ALDH4A1: variants seen among roughly 807,000 people sequenced by gnomAD.
ALDH4A1 encodes the protein aldehyde dehydrogenase 4 family member A1.
A neutral mutation model predicts 70.5 loss-of-function variants in ALDH4A1; 46 were observed. The observed-to-expected ratio is 0.65, with a 90% CI of 0.51 to 0.83. The LOEUF is 0.83. Ranked by LOEUF, ALDH4A1 falls within the 40% of genes least tolerant of loss-of-function variation. The pLI, the probability that ALDH4A1 is intolerant of heterozygous loss-of-function variation, is 0.00. For synonymous variants in ALDH4A1, 323 were observed against 324.3 expected (o/e 1.00, Z 0.04); for missense variants, 749 against 766.5 (o/e 0.98, Z 0.27).
In ALDH4A1 at chr1:18,880,127, G is replaced by A. The variant is rs7537155; in HGVS notation, c.867-754C>T. Among the ~76,000 whole-genome samples, 53,541 of 151,928 alleles carry A rather than the reference G, an allele frequency of 0.35. 11,980 individuals are homozygous for A. Among genetic ancestry groups the A allele is most frequent in the African/African-American group, 0.62 (25,716 of 41,412 alleles). On this transcript the variant is annotated intron_variant, in intron 8 of 14. Coordinates refer to ENST00000375341, the MANE Select transcript of ALDH4A1 (RefSeq NM_003748.4). This position sits in a 1 kb window ranked among gnomAD's most constrained non-coding sequence, Gnocchi z 5.1. ...TGGCAGAGCAGGCCTTTTGGAAAACGGCCCTTCTCAGCAGTTCTAACGCTG... is the reference window on the plus strand; with the variant it reads ...TGGCAGAGCAGGCCTTTTGGAAAACAGCCCTTCTCAGCAGTTCTAACGCTG...
chr1:18,891,301 G>A (rs770190597), intron 1 of ALDH4A1, among the ~76,000 whole-genome samples: 25 of 152,206 alleles, frequency 1.6e-4, no homozygotes, highest in African/African-American at 2.4e-4. Context: ...GGCATAGGAC[G>A]GGCCTCACCA....
intron 9 of ALDH4A1, among the ~76,000 whole-genome samples, chr1:18,879,059 C>T (rs1398962862): frequency 1.3e-5 from 2 of 152,252 alleles, no homozygotes; most frequent in African/African-American, 2.4e-5. Context: ...TGCAGTTCCT[C>T]AGTCGCACAG....
rs1244934261 is a variant in ALDH4A1 at position 18,898,750 on chromosome 1, G to T, written c.62+3712C>A. 6.6e-6 allele frequency among the ~76,000 whole-genome samples: 1 copy of T among 152,222 alleles called. No individual in the cohort carries two copies. Among genetic ancestry groups the T allele is most frequent in the African/African-American group, 2.4e-5 (1 of 41,458 alleles). On this transcript the variant is annotated intron_variant, in intron 1 of 14. Transcript: ENST00000375341. The surrounding 1 kb of genome is among the most constrained non-coding windows in gnomAD (Gnocchi z 4.3). Reference sequence around the variant, plus strand: ...GGAGCCAGGATCCAAGCCATGCTGTGTTCTGGACCATCTCAACAGCAACCG... The same window carrying T: ...GGAGCCAGGATCCAAGCCATGCTGTTTTCTGGACCATCTCAACAGCAACCG...
chr1:18,885,421 C>A lies in ALDH4A1; in HGVS notation c.453+52G>T, dbSNP rs571683170. On this transcript the variant is annotated intron_variant, in intron 5 of 14. Transcript: ENST00000375341. ...TGTCTGCTGCCATGGGTAGGGCACA[C>A]CTGACTCCCACCCCACCCCGCCCCA... The A allele has an allele frequency of 4.9e-5, 59 of 1,209,402 alleles. No individual in the cohort carries two copies. The African/African-American group carries it at 8.3e-4, about 17-fold the overall frequency. 74.9% of individuals were successfully genotyped at this position (1,209,402 alleles called of 1,614,324 possible). A position where few individuals can be genotyped will look rare whatever the true frequency, so the allele number is the denominator to read the frequency against.
intron 1 of ALDH4A1, among the ~76,000 whole-genome samples, chr1:18,892,483 C>G (rs1019370442): frequency 6.6e-6 from 1 of 151,112 alleles, no homozygotes; most frequent in African/African-American, 2.4e-5. Context: ...GAAGGCCTCT[C>G]TGAGGAGGTG....
In ALDH4A1 at chr1:18,902,477, G is replaced by A. The variant is rs146450609; in HGVS notation, c.47C>T (p.Pro16Leu). The A allele has an allele frequency of 0.028, 41,081 of 1,449,494 alleles. 689 individuals carry two copies. Among genetic ancestry groups the A allele is most frequent in the Middle Eastern group, 0.06 (326 of 5,404 alleles). The allele number at this position is 1,449,494 out of a possible 1,614,324, so 89.8% of individuals were successfully genotyped here. ...GCTCACTCACCCGGCCCCGGTCCAG[G>A]GGCGGGACAGCAGGGCGCGGCGGAG... Reference protein sequence around the residue: ...PALRRALLSRPWTGAGLRWKH... With the variant: ...PALRRALLSRLWTGAGLRWKH... Residue 16 changes from proline to leucine, a missense_variant, in exon 1 of 15, where the codon CCC becomes CTC. By Grantham distance (98) the Pro-to-Leu change is moderately conservative (BLOSUM62 -3). Coordinates refer to ENST00000375341, the MANE Select transcript of ALDH4A1 (RefSeq NM_003748.4).
intron 5 of ALDH4A1, 46 bp downstream of exon 5, chr1:18,885,427 T>TGCCACCCCCCCCCCCCCCCCCC: frequency 6.1e-6 from 4 of 650,920 alleles, no homozygotes; most frequent in Admixed American, 2.3e-5. Context: ...CACACCTGAC[T>TGCCACCCCCCCCCCCCCCCCCC]CCCACCCCAC....
Position 18,872,733 on chromosome 1 carries a change from A to T in ALDH4A1, c.*112T>A. ...GTAAGAAGGGAGTCAAGCCCGGATTATAGAAAGGCAGCTGTGCATGAAGAA... is the reference window on the plus strand; with the variant it reads ...GTAAGAAGGGAGTCAAGCCCGGATTTTAGAAAGGCAGCTGTGCATGAAGAA... On this transcript the variant is annotated 3_prime_UTR_variant, in exon 15 of 15. Transcript: ENST00000375341. 1.3e-6 allele frequency: 1 copy of T among 791,008 alleles called. No homozygotes were observed. The highest frequency in any genetic ancestry group is 2.1e-6 in the Non-Finnish European group (1 of 470,888). The allele number at this position is 791,008 out of a possible 1,614,324, so 49.0% of individuals were successfully genotyped here. A position where few individuals can be genotyped will look rare whatever the true frequency, so the allele number is the denominator to read the frequency against.
chr1:18,892,191 A>G lies in ALDH4A1; in HGVS notation c.63-2086T>C, dbSNP rs376767675. ...GGGGGCCAGAAGGAGTCTGGGGCTC[A>G]AAGACCCAGCCTGGGAAGCCTGAAG... On this transcript the variant is annotated intron_variant, in intron 1 of 14. Transcript: ENST00000375341. 9.2e-5 allele frequency among the ~76,000 whole-genome samples: 14 copies of G among 152,276 alleles called. No individual in the cohort carries two copies. In the East Asian group the frequency reaches 1.4e-3, roughly 15 times the overall value.
intron 1 of ALDH4A1, among the ~76,000 whole-genome samples, chr1:18,897,766 T>A (rs1935673239): frequency 6.6e-6 from 1 of 152,128 alleles, no homozygotes; most frequent in African/African-American, 2.4e-5. Context: ...AGGCCCATGG[T>A]CAGGTGGGGC....
Position 18,890,005 on chromosome 1 carries a change from C to G in ALDH4A1, c.156+7G>C. ...CACCTCTCGGGTGCCTCCCACCCTC[C>G]CATTACCTTTTGCAGGGCATCTCGC... On this transcript the variant is annotated splice_region_variant and intron_variant, in intron 2 of 14. Transcript: ENST00000375341. The G allele has an allele frequency of 6.2e-7, 1 of 1,602,078 alleles. No individual in the cohort carries two copies.
At chr1:18,901,297 C>A (rs9426795) in intron 1 of ALDH4A1, among the ~76,000 whole-genome samples, 5,564 of 152,296 alleles carry the variant, frequency 0.037, 116 homozygotes, top group Middle Eastern at 0.061. Flanking sequence ...AGCAGTGTTG[C>A]AACTCACTTG....
chr1:18,896,093 C>G (rs971021482), intron 1 of ALDH4A1, among the ~76,000 whole-genome samples: 1 of 152,134 alleles, frequency 6.6e-6, no homozygotes, highest in African/African-American at 2.4e-5. Flanking sequence ...CCTCACATAG[C>G]CGGAATGGGG....
At chr1:18,874,058 G>A (rs1354446051) in intron 14 of ALDH4A1, among the ~76,000 whole-genome samples, 2 of 152,212 alleles carry the variant, frequency 1.3e-5, no homozygotes, top group Non-Finnish European at 2.9e-5. Flanking sequence ...GTCGGTGTGG[G>A]AAACCCCAGC....
rs1187716485 is a variant in ALDH4A1, at chr1:18,876,429, G to C, written c.1224C>G (p.Arg408=). The C allele has an allele frequency of 1.2e-6, 2 of 1,608,570 alleles. No individual in the cohort carries two copies. The highest frequency in any genetic ancestry group is 4.5e-5 in the East Asian group (2 of 44,620). ...ARIKKWLEHA[R]SSPSLTILAG... is the part of the protein sequence containing the mutation. ...CCAGGATGGTGAGGCTGGGTGAGGA[G>C]CGTGCGTGCTCCAGCCACTTCTTGA... is the stretch of plus-strand genomic sequence containing the variant. Residue 408 remains arginine, a synonymous_variant, in exon 12 of 15, where the codon CGC becomes CGG. Transcript: ENST00000375341.
Position 18,877,239 on chromosome 1 carries a change from C to T in ALDH4A1, c.1154G>A (p.Gly385Glu), listed in dbSNP as rs371743661. The change falls in exon 11 of 15, where the codon GGG becomes GAG. Residue 385 changes from glycine to glutamate, a missense_variant. Coordinates refer to ENST00000375341, the MANE Select transcript of ALDH4A1 (RefSeq NM_003748.4). ...IKVGDPAEDFGTFFSAVIDAK... is the reference protein window; with the variant it reads ...IKVGDPAEDFETFFSAVIDAK... ...ATCAATCACTGCAGAGAAGAAGGTCCCAAAATCCTCTGCAGGCTGGAGGCA... is the reference window on the plus strand; with the variant it reads ...ATCAATCACTGCAGAGAAGAAGGTCTCAAAATCCTCTGCAGGCTGGAGGCA... 1.1e-5 allele frequency: 17 copies of T among 1,607,430 alleles called. No individual in the cohort carries two copies. Among genetic ancestry groups the T allele is most frequent in the Non-Finnish European group, 1.4e-5 (16 of 1,176,806 alleles).
intron 1 of ALDH4A1, 83 bp from the exon 2 acceptor site, chr1:18,890,188 G>T: frequency 8.2e-7 from 1 of 1,216,928 alleles, no homozygotes; most frequent in East Asian, 2.5e-5. Context: ...CCTCCGACAG[G>T]GGGTCCTAGG....
At chr1:18,885,128 C>T (rs1425807900) in intron 5 of ALDH4A1, among the ~76,000 whole-genome samples, 1 of 152,126 alleles carries the variant, frequency 6.6e-6, no homozygotes, top group South Asian at 2.1e-4. Context: ...GTTGGAAAGA[C>T]CACTCTGAGG....
chr1:18,878,851 G>A (rs766888550), intron 9 of ALDH4A1, among the ~76,000 whole-genome samples: 1 of 152,136 alleles, frequency 6.6e-6, no homozygotes, highest in Non-Finnish European at 1.5e-5. Flanking sequence ...CTACGTCTCA[G>A]CCCGTCTTCT....
Sources: gnomAD v4.1 joint callset for allele counts (sites outside exome capture counted in the v4.1 genomes callset) on GRCh38, gnomAD v4.1.1 for gene constraint, Gnocchi (gnomAD v3.1) non-coding constraint, MANE v1.5 for transcripts, NCBI Gene and HGNC (gene_info 2026-07-23, HGNC 2026-07-21) for gene names.